Variants in AHSA1 observed in about 807,000 individuals in gnomAD.
AHSA1 encodes activator of 90 kDa heat shock protein ATPase homolog 1.
Under a neutral mutation model 46.1 loss-of-function variants are expected in AHSA1, and 14 were observed. The ratio of observed to expected loss-of-function variants is 0.30; its 90% CI spans 0.20 to 0.47. The LOEUF is 0.47. AHSA1 is among the 20% of genes least tolerant of loss of function. The pLI is 0.99. For missense variants in AHSA1, 333 were observed against 415.9 expected (o/e 0.80, Z 1.73); for synonymous variants, 147 against 145.8 (o/e 1.01, Z -0.06).
intron 5 of AHSA1, 35 bp from the exon 6 acceptor site, chr14:77,465,504 C>G (rs1290783122): frequency 1.2e-6 from 2 of 1,609,344 alleles, no homozygotes; most frequent in Non-Finnish European, 1.7e-6. Flanking sequence ...TGTATCATTA[C>G]TCTGTATTGA....
At chr14:77,468,734 T>TTTTTTTTTG (rs2079059684) in intron 8 of AHSA1, 1 of 497,922 alleles carries the variant, frequency 2.0e-6, no homozygotes, top group Non-Finnish European at 3.5e-6. Flanking sequence ...TTTTTTTTTT[T>TTTTTTTTTG]TTTTTTTTTT....
At chr14:77,461,934 T>C (rs2079027036) in intron 2 of AHSA1, among the ~76,000 whole-genome samples, 1 of 152,248 alleles carries the variant, frequency 6.6e-6, no homozygotes, top group Non-Finnish European at 1.5e-5. Context: ...TCTGTAGCTC[T>C]TTGTCTCACA....
chr14:77,462,392 A>T, intron 3 of AHSA1, 150 bp downstream of exon 3: 5 of 800,280 alleles, frequency 6.2e-6, no homozygotes, highest in Non-Finnish European at 1.0e-5. Flanking sequence ...ATATGGTGCC[A>T]TTGGAAACTT....
Position 77,459,536 on chromosome 14 carries a change from C to T in AHSA1, c.81-80C>T, listed in dbSNP as rs566870651. ...CTTTTCAAACTATTTGTCAGGCCTCCTTTAACCTCGTATTCTCTTGCATAG... is the reference window on the plus strand; with the variant it reads ...CTTTTCAAACTATTTGTCAGGCCTCTTTTAACCTCGTATTCTCTTGCATAG... On this transcript the variant is annotated intron_variant, in intron 1 of 8. Coordinates refer to ENST00000216479, the MANE Select transcript of AHSA1 (RefSeq NM_012111.3). 24 of 1,465,842 alleles carry T rather than the reference C, an allele frequency of 1.6e-5. No homozygotes were observed. The African/African-American group carries it at 2.4e-4, about 14-fold the overall frequency. 90.8% of individuals were successfully genotyped at this position (1,465,842 alleles called of 1,614,324 possible).
At position 77,468,070 on chromosome 14, in the gene AHSA1, TTTTTC is replaced by T; in HGVS notation, c.691-12_691-8del. ...CTGCCTCTTTTTTTTTTTTTTTTTT[TTTTTC>T]CCTGCAGCTGGTGCAGGCCTTTACC... is the stretch of plus-strand genomic sequence containing the variant. On this transcript the variant is annotated splice_region_variant and splice_polypyrimidine_tract_variant and intron_variant, in intron 6 of 8. Coordinates refer to ENST00000216479, the MANE Select transcript of AHSA1 (RefSeq NM_012111.3). 1.4e-6 allele frequency: 2 copies of T among 1,397,402 alleles called. No homozygotes were observed. Among genetic ancestry groups the T allele is most frequent in the Non-Finnish European group, 1.9e-6 (2 of 1,062,212 alleles). The allele number at this position is 1,397,402 out of a possible 1,614,324, so 86.6% of individuals were successfully genotyped here.
intron 7 of AHSA1, 93 bp downstream of exon 7, chr14:77,468,277 C>T (rs2079057107): frequency 4.5e-6 from 5 of 1,100,052 alleles, no homozygotes; most frequent in Non-Finnish European, 5.2e-6. Context: ...AAATGTAAGG[C>T]TTTAATCTCT....
chr14:77,468,609 C>CT (rs780233797), intron 8 of AHSA1, 101 bp downstream of exon 8: 1 of 1,087,994 alleles, frequency 9.2e-7, no homozygotes, highest in Admixed American at 2.1e-5. Context: ...GTCACTCAGG[C>CT]TAGAGTGCAG....
chr14:77,468,315 A>G, intron 7 of AHSA1, 131 bp downstream of exon 7: 1 of 1,154,160 alleles, frequency 8.7e-7, no homozygotes, highest in East Asian at 2.5e-5. Flanking sequence ...TGTTTTTCAA[A>G]AAAAGGCTGT....
In AHSA1 at chr14:77,468,505, G is replaced by A; in HGVS notation, c.841G>A (p.Glu281Lys). 1 of 1,612,216 alleles carries A rather than the reference G, an allele frequency of 6.2e-7. No homozygotes were observed. The highest frequency in any genetic ancestry group is 1.1e-5 in the South Asian group (1 of 90,900). ...GAAGTGGAGGTTTAAATCTTGGCCAGAGGGTAAGTAAACATATTTATTGCC... is the reference window on the plus strand; with the variant it reads ...GAAGTGGAGGTTTAAATCTTGGCCAAAGGGTAAGTAAACATATTTATTGCC... ...VMKWRFKSWP[E>K]GHFATITLTF... The change falls in exon 8 of 9, where the codon GAG becomes AAG. Residue 281 changes from glutamate to lysine, a missense_variant. Transcript: ENST00000216479.
chr14:77,468,053 T>A, intron 6 of AHSA1, 30 bp from the exon 7 acceptor site: 2 of 567,024 alleles, frequency 3.5e-6, no homozygotes, highest in Non-Finnish European at 4.8e-6. Context: ...TTCTGCCTCT[T>A]TTTTTTTTTT....
upstream of AHSA1, chr14:77,458,055 A>G: frequency 1.5e-6 from 1 of 665,560 alleles, no homozygotes; most frequent in East Asian, 3.4e-5. Flanking sequence ...GAGGGGGTGG[A>G]GGGAAAAGCA....
chr14:77,458,953 G>T (rs2079004930), intron 1 of AHSA1, among the ~76,000 whole-genome samples: 1 of 152,104 alleles, frequency 6.6e-6, no homozygotes, highest in African/African-American at 2.4e-5. Flanking sequence ...GTATTGTACC[G>T]TTACTTTGTT....
intron 1 of AHSA1, 89 bp from the exon 2 acceptor site, chr14:77,459,527 T>G (rs2079011430): frequency 7.5e-7 from 1 of 1,336,266 alleles, no homozygotes; most frequent in Admixed American, 1.9e-5. Flanking sequence ...AAACTATTTG[T>G]CAGGCCTCCT....
At chr14:77,461,672 C>T (rs1470004214) in intron 2 of AHSA1, among the ~76,000 whole-genome samples, 3 of 152,158 alleles carry the variant, frequency 2.0e-5, no homozygotes, top group Admixed American at 6.5e-5. Context: ...AAACTGAGGT[C>T]ATTGGCAGAT....
At chr14:77,461,195 A>G (rs1566746335) in intron 2 of AHSA1, among the ~76,000 whole-genome samples, 4 of 151,878 alleles carry the variant, frequency 2.6e-5, no homozygotes, top group Non-Finnish European at 5.9e-5. Context: ...TACAATAAAT[A>G]TGGTGCTTTA....
At chr14:77,462,350 C>T (rs1291746610) in intron 3 of AHSA1, 108 bp downstream of exon 3, 2 of 1,108,638 alleles carry the variant, frequency 1.8e-6, no homozygotes, top group South Asian at 2.8e-5. Flanking sequence ...TCCAAGCATT[C>T]AGAACCCTAG....
intron 2 of AHSA1, among the ~76,000 whole-genome samples, chr14:77,461,666 T>C (rs1261603920): frequency 6.6e-6 from 1 of 152,166 alleles, no homozygotes; most frequent in East Asian, 1.9e-4. Flanking sequence ...CGCTGTAAAC[T>C]GAGGTCATTG....
rs150175578 is a variant in AHSA1, at chr14:77,468,049, C to CTTTTTTTT, written c.691-33_691-32insTTTTTTTT. 3.0e-5 allele frequency: 22 copies of CTTTTTTTT among 723,822 alleles called. 6 individuals are homozygous for CTTTTTTTT. The highest frequency in any genetic ancestry group is 7.5e-5 in the Admixed American group (2 of 26,650). 44.8% of individuals were successfully genotyped at this position (723,822 alleles called of 1,614,324 possible). ...CCACTGAAAGCCATGTATCTTCTGC[C>CTTTTTTTT]TCTTTTTTTTTTTTTTTTTTTTTTT... is the stretch of plus-strand genomic sequence containing the variant. On this transcript the variant is annotated intron_variant, in intron 6 of 8. Coordinates refer to ENST00000216479, the MANE Select transcript of AHSA1 (RefSeq NM_012111.3).
At chr14:77,463,585 CA>C (rs565353457) in intron 4 of AHSA1, among the ~76,000 whole-genome samples, 7,958 of 75,046 alleles carry the variant, frequency 0.11, 356 homozygotes, top group Admixed American at 0.26. Context: ...GACTCCATCT[CA>C]AAAAAAAAAA....
Sources: gnomAD v4.1 joint callset for allele counts (sites outside exome capture counted in the v4.1 genomes callset) on GRCh38, gnomAD v4.1.1 for gene constraint, MANE v1.5 for transcripts, NCBI Gene and HGNC (gene_info 2026-07-23, HGNC 2026-07-21) for gene names.